The following KAZN variants were observed in gnomAD, a reference collection of about 807,000 sequenced individuals.
The protein encoded by KAZN is kazrin.
KAZN carries 40 observed loss-of-function variants against 87.4 expected under a neutral mutation model. The observed-to-expected ratio is 0.46, with a 90% CI of 0.36 to 0.60. The LOEUF (loss-of-function observed/expected upper bound fraction) is 0.60, where lower values mean the gene tolerates loss of function less well. Among genes scored for constraint, KAZN ranks in the 20% least tolerant of loss-of-function variants. The pLI is 0.00. For synonymous variants in KAZN, 466 were observed against 458.3 expected, an observed-to-expected ratio of 1.02 and a Z score of -0.22; for missense variants, 898 against 1,073.9, an observed-to-expected ratio of 0.84 and a Z score of 2.29.
chr1:14,989,352 T>C (rs1446885324), intron 2 of KAZN, among the ~76,000 whole-genome samples: 1 of 152,210 alleles, frequency 6.6e-6, no homozygotes, highest in Non-Finnish European at 1.5e-5. Flanking sequence ...GGTGCACACC[T>C]GAAATCCCAG....
intron 1 of KAZN, among the ~76,000 whole-genome samples, chr1:13,956,977 G>A (rs2101013116): frequency 2.0e-5 from 3 of 152,316 alleles, no homozygotes; most frequent in Admixed American, 2.0e-4. Context: ...TTGGTGGGTA[G>A]CTGAGGGCAT....
At chr1:14,071,830 G>A (rs962890823) in intron 1 of KAZN, among the ~76,000 whole-genome samples, 1 of 152,184 alleles carries the variant, frequency 6.6e-6, no homozygotes, top group Non-Finnish European at 1.5e-5. Context: ...AAGAGCTGGC[G>A]GTTCTGCCTG....
At chr1:15,023,708 A>AT (rs1476699440) in intron 2 of KAZN, among the ~76,000 whole-genome samples, 1 of 149,806 alleles carries the variant, frequency 6.7e-6, no homozygotes, top group Non-Finnish European at 1.5e-5. Context: ...GGCAGGATTG[A>AT]TATCTACTGA....
intron 1 of KAZN, among the ~76,000 whole-genome samples, chr1:14,762,484 G>A (rs1011705445): frequency 1.9e-5 from 1 of 53,594 alleles, no homozygotes; most frequent in African/African-American, 5.3e-5. Flanking sequence ...CCAGCACTTT[G>A]GGAGGCCGAG....
At chr1:14,134,336 T>C (rs1254898693) in intron 1 of KAZN, among the ~76,000 whole-genome samples, 1 of 152,210 alleles carries the variant, frequency 6.6e-6, no homozygotes, top group Non-Finnish European at 1.5e-5. Flanking sequence ...GGATCCTCCC[T>C]AGATGTTGAA....
chr1:14,697,273 T>A (rs1202095191), intron 1 of KAZN, among the ~76,000 whole-genome samples: 1 of 151,350 alleles, frequency 6.6e-6, no homozygotes, highest in Non-Finnish European at 1.5e-5. Flanking sequence ...AAGGCTACAG[T>A]GAGCCATGAT....
At chr1:14,516,832 A>G (rs890585281) in intron 2 of KAZN, among the ~76,000 whole-genome samples, 1 of 151,914 alleles carries the variant, frequency 6.6e-6, no homozygotes, top group African/African-American at 2.4e-5. Flanking sequence ...CTTCTTTTCT[A>G]TCACCTTCAA....
In KAZN at chr1:13,937,454, A is replaced by G. The variant is rs1039483712; in HGVS notation, c.91+43698A>G. On this transcript the variant is annotated intron_variant, in intron 1 of 16. Coordinates refer to the KAZN transcript ENST00000636203. ...TTTGTCAGATGCATAGTTTGCAAATATTTTCTCCCATTGCATAGGTTGTCT... is the reference window on the plus strand; with the variant it reads ...TTTGTCAGATGCATAGTTTGCAAATGTTTTCTCCCATTGCATAGGTTGTCT... Among the ~76,000 whole-genome samples, 11 of 152,126 alleles carry G rather than the reference A, an allele frequency of 7.2e-5. No homozygotes were observed. In the East Asian group the frequency reaches 1.4e-3, roughly 19 times the overall value.
rs773066440 is a variant in KAZN, at chr1:14,960,858, C to T, written c.401C>T (p.Ala134Val). Residue 134 changes from alanine (A) to valine (V), a missense_variant, in exon 2 of 15, where the codon GCC becomes GTC. Physicochemically the swap from Ala to Val is moderately conservative, Grantham distance 64. Around this residue, in one of 3 missense-constraint regions of KAZN, gnomAD observed 250 missense variants for 263.0 expected, o/e 0.95. Coordinates refer to ENST00000376030, the MANE Select transcript of KAZN (RefSeq NM_201628.3). ...CAGAAGGAGCAGGAGCTAGCCAGAGCCAAAGAAGCCTTGCAGGGTGAGTGA... is the reference window on the plus strand; with the variant it reads ...CAGAAGGAGCAGGAGCTAGCCAGAGTCAAAGAAGCCTTGCAGGGTGAGTGA... The part of the protein sequence containing the change: ...LAQKEQELAR[A>V]KEALQAMKAD... The T allele has an allele frequency of 1.4e-5, 22 of 1,607,316 alleles. No homozygotes were observed. The highest frequency in any genetic ancestry group is 1.8e-5 in the Non-Finnish European group (21 of 1,176,434).
At chr1:14,588,268 C>T (rs1328898166) in intron 2 of KAZN, among the ~76,000 whole-genome samples, 1 of 152,138 alleles carries the variant, frequency 6.6e-6, no homozygotes, top group Non-Finnish European at 1.5e-5. Flanking sequence ...CATTTAGCCT[C>T]TTCTTGGATA....
At chr1:14,543,269 T>C (rs2148498645) in intron 2 of KAZN, among the ~76,000 whole-genome samples, 1 of 152,316 alleles carries the variant, frequency 6.6e-6, no homozygotes, top group East Asian at 1.9e-4. Context: ...GCTGGAGATA[T>C]TGAAGGGAAC....
chr1:14,563,337 ACT>A (rs1319695811), intron 2 of KAZN, among the ~76,000 whole-genome samples: 3 of 152,142 alleles, frequency 2.0e-5, no homozygotes, highest in Non-Finnish European at 2.9e-5. Flanking sequence ...ACTCCCAGAG[ACT>A]CTGATTCAGT....
At chr1:14,394,250 C>T (rs1452386246) in intron 2 of KAZN, among the ~76,000 whole-genome samples, 1 of 152,234 alleles carries the variant, frequency 6.6e-6, no homozygotes, top group East Asian at 1.9e-4. Flanking sequence ...GGCATGTGAT[C>T]TTATGTCAAG....
At chr1:13,964,620 C>T (rs1049445420) in intron 1 of KAZN, among the ~76,000 whole-genome samples, 3 of 152,172 alleles carry the variant, frequency 2.0e-5, no homozygotes, top group Admixed American at 6.5e-5. Flanking sequence ...GGCTTGCTTT[C>T]GTGGTAGAAG....
At chr1:14,457,998 G>T (rs1667662496) in intron 2 of KAZN, among the ~76,000 whole-genome samples, 3 of 151,668 alleles carry the variant, frequency 2.0e-5, no homozygotes, top group African/African-American at 7.3e-5. Flanking sequence ...TTGTGTGTGT[G>T]TTTTTAGTAG....
chr1:14,365,363 C>CG (rs754623672), intron 2 of KAZN, among the ~76,000 whole-genome samples: 33 of 90,250 alleles, frequency 3.7e-4, no homozygotes, highest in East Asian at 1.2e-3. Flanking sequence ...CCCCTCCCCC[C>CG]GGGGTGGGGG....
At chr1:14,719,877 G>T (rs1484281980) in intron 1 of KAZN, among the ~76,000 whole-genome samples, 2 of 152,154 alleles carry the variant, frequency 1.3e-5, no homozygotes, top group Non-Finnish European at 2.9e-5. Flanking sequence ...AAACATGCAG[G>T]TGCTGGGAAG....
intron 2 of KAZN, among the ~76,000 whole-genome samples, chr1:14,512,465 G>A (rs1386172815): frequency 6.6e-6 from 1 of 151,974 alleles, no homozygotes; most frequent in African/African-American, 2.4e-5. Flanking sequence ...CCTGGGTGGC[G>A]CAGAGCCCCC....
At chr1:14,498,295 C>G (rs1670058713) in intron 2 of KAZN, among the ~76,000 whole-genome samples, 1 of 152,260 alleles carries the variant, frequency 6.6e-6, no homozygotes, top group Admixed American at 6.5e-5. Context: ...CCACTCACCA[C>G]TGCAGACCCT....
Sources: gnomAD v4.1 joint callset for allele counts (sites outside exome capture counted in the v4.1 genomes callset) on GRCh38, gnomAD v4.1.1 for gene constraint, gnomAD v4.1.1 regional missense constraint, MANE v1.5 for transcripts, NCBI Gene and HGNC (gene_info 2026-07-23, HGNC 2026-07-21) for gene names.